RFX3: variants seen among roughly 807,000 people sequenced by gnomAD.
The protein encoded by RFX3 is regulatory factor X3.
In RFX3, 14 loss-of-function variants were observed where a neutral mutation model predicts 98.6. The observed-to-expected ratio is 0.14, with a 90% confidence interval of 0.09 to 0.22. The LOEUF (loss-of-function observed/expected upper bound fraction) is 0.22. Among genes scored for constraint, RFX3 ranks in the 10% least tolerant of loss-of-function variants. RFX3 has a pLI of 1.00. For missense variants in RFX3, 639 were observed against 926.9 expected, an observed-to-expected ratio of 0.69 and a Z score of 4.03; for synonymous variants, 383 against 328.4, an observed-to-expected ratio of 1.17 and a Z score of -1.80.
intron 1 of RFX3, among the ~76,000 whole-genome samples, chr9:3,402,178 G>T (rs553224884): frequency 6.6e-6 from 1 of 152,104 alleles, no homozygotes; most frequent in African/African-American, 2.4e-5. Context: ...AAAATAGGTA[G>T]TATCCACCTA....
At chr9:3,414,148 T>C (rs1178123895) in intron 1 of RFX3, among the ~76,000 whole-genome samples, 2 of 152,134 alleles carry the variant, frequency 1.3e-5, no homozygotes, top group East Asian at 3.8e-4. Context: ...CAAATACTTT[T>C]CCTAAGAGCT....
chr9:3,476,468 G>C (rs1000662229), intron 1 of RFX3, among the ~76,000 whole-genome samples: 2 of 152,064 alleles, frequency 1.3e-5, no homozygotes, highest in Non-Finnish European at 2.9e-5. Context: ...TGAAAACAGG[G>C]GAAGAGATGA....
At chr9:3,236,269 A>T (rs939765074) in intron 15 of RFX3, among the ~76,000 whole-genome samples, 3 of 152,180 alleles carry the variant, frequency 2.0e-5, no homozygotes, top group Non-Finnish European at 4.4e-5. Flanking sequence ...GGCTGTTGAC[A>T]CCATACATGC....
chr9:3,380,112 G>T (rs1221504197), intron 2 of RFX3, among the ~76,000 whole-genome samples: 1 of 151,896 alleles, frequency 6.6e-6, no homozygotes, highest in Non-Finnish European at 1.5e-5. Flanking sequence ...ATTTAGTAGA[G>T]ATGAGGGTTT....
chr9:3,491,237 A>T (rs1265779985), intron 1 of RFX3, among the ~76,000 whole-genome samples: 1 of 152,174 alleles, frequency 6.6e-6, no homozygotes, highest in Non-Finnish European at 1.5e-5. Context: ...CAGGACAAGG[A>T]TCACTAAAAC....
At chr9:3,500,115 T>C (rs1815813376) in intron 1 of RFX3, among the ~76,000 whole-genome samples, 1 of 151,804 alleles carries the variant, frequency 6.6e-6, no homozygotes, top group South Asian at 2.1e-4. Context: ...GGAACAACTA[T>C]CCAAAAAAGA....
At chr9:3,458,260 G>C (rs1040997731) in intron 1 of RFX3, among the ~76,000 whole-genome samples, 12 of 152,168 alleles carry the variant, frequency 7.9e-5, no homozygotes, top group Non-Finnish European at 7.4e-5. Flanking sequence ...AATGAAGCAA[G>C]TGCTGTCTAC....
chr9:3,345,955 G>T (rs896572090), intron 3 of RFX3, among the ~76,000 whole-genome samples: 5 of 152,182 alleles, frequency 3.3e-5, no homozygotes, highest in African/African-American at 1.2e-4. Flanking sequence ...AGAAGAGTCA[G>T]TGAGAGAACC....
intron 1 of RFX3, among the ~76,000 whole-genome samples, chr9:3,493,703 ATATAT>A (rs1850912895): frequency 6.5e-5 from 5 of 76,630 alleles, no homozygotes; most frequent in African/African-American, 2.9e-4. Context: ...AAAAAAAAAT[ATATAT>A]ATATATATAT....
intron 15 of RFX3, chr9:3,247,645 GA>G: frequency 7.2e-7 from 1 of 1,385,356 alleles, no homozygotes. Context: ...TGGAGACCGG[GA>G]AAGAGTCTAC....
intron 4 of RFX3, among the ~76,000 whole-genome samples, chr9:3,310,799 C>A (rs910705871): frequency 6.6e-6 from 1 of 152,062 alleles, no homozygotes; most frequent in Admixed American, 6.6e-5. Flanking sequence ...TCATTGCCAT[C>A]ATATACAAAT....
intron 2 of RFX3, among the ~76,000 whole-genome samples, chr9:3,385,687 TAAA>T (rs1163965329): frequency 6.7e-5 from 8 of 118,670 alleles, no homozygotes; most frequent in African/African-American, 6.4e-5. Flanking sequence ...CAGCCTGTCT[TAAA>T]AAAAAAAAAA....
chr9:3,326,057 A>C (rs1189970530), intron 4 of RFX3, among the ~76,000 whole-genome samples: 1 of 152,142 alleles, frequency 6.6e-6, no homozygotes, highest in Non-Finnish European at 1.5e-5. Flanking sequence ...GTGATGATTC[A>C]ATAAAAATGT....
At chr9:3,409,027 G>A (rs919268148) in intron 1 of RFX3, among the ~76,000 whole-genome samples, 6 of 152,152 alleles carry the variant, frequency 3.9e-5, no homozygotes, top group African/African-American at 1.4e-4. Flanking sequence ...AATCTTTTAA[G>A]AATTCTCCGA....
chr9:3,495,749 T>C (rs1564174362), intron 1 of RFX3, among the ~76,000 whole-genome samples: 1 of 152,080 alleles, frequency 6.6e-6, no homozygotes, highest in Non-Finnish European at 1.5e-5. Context: ...TCATTAATCT[T>C]AGGCTGGATT....
In RFX3 at chr9:3,225,050, C is replaced by T; in HGVS notation, c.2242G>A (p.Ala748Thr). The T allele has an allele frequency of 6.2e-7, 1 of 1,613,718 alleles. No individual in the cohort carries two copies. The highest frequency in any genetic ancestry group is 8.5e-7 in the Non-Finnish European group (1 of 1,179,754). The change falls in exon 17 of 17, where the codon GCA (alanine) becomes ACA (threonine). Residue 748 changes from alanine (A) to threonine (T), a missense_variant. By Grantham distance (58) the Ala-to-Thr change is moderately conservative. Transcript: ENST00000617270. Reference sequence around the variant, plus strand: ...ATACGCTTTAATATTCTTTAGACTGCAGTGTAGGTATTTCCTGTAGCGCTG... The same window carrying T: ...ATACGCTTTAATATTCTTTAGACTGTAGTGTAGGTATTTCCTGTAGCGCTG... Reference protein sequence around the residue: ...QCSATGNTYTAV With the variant: ...QCSATGNTYTTV
rs750488318 is a variant in RFX3, at chr9:3,330,241, A to G, written c.474+18T>C. 4.3e-6 allele frequency: 7 copies of G among 1,613,166 alleles called. No individual in the cohort carries two copies. The African/African-American group carries it at 5.3e-5, about 12-fold the overall frequency. On this transcript the variant is annotated intron_variant, in intron 4 of 16. Transcript: ENST00000617270. ...CTATTAAAAGCTAAACTAAACTACT[A>G]AAAATTCAAATACTTACTGTCGCTG...
At chr9:3,361,726 T>C (rs1227056801) in intron 2 of RFX3, among the ~76,000 whole-genome samples, 2 of 150,502 alleles carry the variant, frequency 1.3e-5, no homozygotes, top group Non-Finnish European at 3.0e-5. Flanking sequence ...GATGGGTGGA[T>C]TACTGGAGCC....
At chr9:3,464,852 T>TA (rs527647386) in intron 1 of RFX3, among the ~76,000 whole-genome samples, 41 of 152,272 alleles carry the variant, frequency 2.7e-4, no homozygotes, top group Admixed American at 8.5e-4. Context: ...TTTGATAACT[T>TA]ACCCATCCAA....
Sources: allele counts gnomAD v4.1 joint callset (sites outside exome capture counted in the v4.1 genomes callset), GRCh38; gene constraint gnomAD v4.1.1; transcripts MANE v1.5; gene names NCBI Gene and HGNC (gene_info 2026-07-23, HGNC 2026-07-21).